SUN2: variants seen among roughly 807,000 people sequenced by gnomAD.
The protein encoded by SUN2 is Sad1 and UNC84 domain containing 2, also known as SUN domain-containing protein 2.
Under a neutral mutation model 100.0 loss-of-function variants are expected in SUN2, and 60 were observed. The ratio of observed to expected loss-of-function variants is 0.60; its 90% confidence interval spans 0.49 to 0.74. The LOEUF is 0.74. Among genes scored for constraint, SUN2 ranks in the 30% least tolerant of loss-of-function variants. SUN2 has a pLI of 0.00. For synonymous variants in SUN2, 367 were observed against 403.3 expected (o/e 0.91, Z 1.08); for missense variants, 834 against 954.6 (o/e 0.87, Z 1.66).
In SUN2 at chr22:38,739,487, C is replaced by A; in HGVS notation, c.1579-61G>T. The A allele has an allele frequency of 6.3e-7, 1 of 1,581,614 alleles. No homozygotes were observed. The highest frequency in any genetic ancestry group is 1.3e-5 in the African/African-American group (1 of 74,312). On this transcript the variant is annotated intron_variant, in intron 13 of 17. Coordinates refer to ENST00000689035, the MANE Select transcript of SUN2 (RefSeq NM_015374.3). The surrounding 1 kb of genome is among the most constrained non-coding windows in gnomAD (Gnocchi z 6.7). ...GAGCAGACGTGTCCCCCTGTCACCTCGTGGCCGTGGGCCAAGGACCCATGG... is the reference window on the plus strand; with the variant it reads ...GAGCAGACGTGTCCCCCTGTCACCTAGTGGCCGTGGGCCAAGGACCCATGG...
At chr22:38,752,795 C>CCCCCG in intron 1 of SUN2, 130 bp from the exon 2 acceptor site, 2 of 1,064,430 alleles carry the variant, frequency 1.9e-6, no homozygotes, top group African/African-American at 1.6e-5. Context: ...CGGCCCCCGG[C>CCCCCG]GTTCAGTCTA....
rs2092865471 is a variant in SUN2, at chr22:38,742,341, A to G, written c.1028T>C (p.Leu343Pro). The change falls in exon 9 of 18, where the codon CTG becomes CCG. Residue 343 changes from leucine (L) to proline (P), a missense_variant. Leu to Pro is a moderately conservative substitution (Grantham distance 98, BLOSUM62 -3). Coordinates refer to ENST00000689035, the MANE Select transcript of SUN2 (RefSeq NM_015374.3). ...EGLVSRREAA[L>P]KEDFRRETAA... ...AGTTTCCCTGCGGAAATCCTCCTTC[A>G]GGGCAGCTTCACGGCGGCTCACTAG... The G allele has an allele frequency of 1.9e-6, 3 of 1,609,218 alleles. No homozygotes were observed. The highest frequency in any genetic ancestry group is 2.6e-6 in the Non-Finnish European group (3 of 1,176,402).
chr22:38,750,206 G>T lies in SUN2; in HGVS notation c.520+19C>A, dbSNP rs774337783. On this transcript the variant is annotated intron_variant, in intron 5 of 17. Transcript: ENST00000689035. ...CTATCACCAAGAATGGAAGTAACTG[G>T]GCACGGGTTGCAGCCCACCTGGCGA... 1 of 1,606,876 alleles carries T rather than the reference G, an allele frequency of 6.2e-7. No individual in the cohort carries two copies. Among genetic ancestry groups the T allele is most frequent in the South Asian group, 1.1e-5 (1 of 90,886 alleles).
rs149382856 is a variant in SUN2, at chr22:38,740,525, G to A, written c.1191-93C>T. On this transcript the variant is annotated intron_variant, in intron 11 of 17. Transcript: ENST00000689035. The surrounding 1 kb of genome is among the most constrained non-coding windows in gnomAD (Gnocchi z 4.8). ...AAAGAGGACCCCCTAGTGGGCTCCC[G>A]TCAGGAGAGCGGGTGCCCAGCACTC... 73 of 1,343,120 alleles carry A rather than the reference G, an allele frequency of 5.4e-5. No homozygotes were observed. In the Admixed American group the frequency reaches 1.6e-3, roughly 30 times the overall value. 83.2% of individuals were successfully genotyped at this position (1,343,120 alleles called of 1,614,324 possible).
At position 38,750,068 on chromosome 22, in the gene SUN2, T is replaced by C. The variant is rs906748739; in HGVS notation, c.520+157A>G. On this transcript the variant is annotated intron_variant, in intron 5 of 17. Transcript: ENST00000689035. ...ACTCCTTCCCTTCCACGCAAGGGGGTCCCCACAGCTCTGGGCTCCCAGTGA... is the reference window on the plus strand; with the variant it reads ...ACTCCTTCCCTTCCACGCAAGGGGGCCCCCACAGCTCTGGGCTCCCAGTGA... Among the ~76,000 whole-genome samples the C allele has an allele frequency of 1.3e-5, 2 of 149,658 alleles. 1 individual carries two copies. The highest frequency in any genetic ancestry group is 4.2e-4 in the South Asian group (2 of 4,758).
chr22:38,749,308 A>C (rs185946364), intron 6 of SUN2, among the ~76,000 whole-genome samples: 8 of 152,262 alleles, frequency 5.3e-5, no homozygotes, highest in Non-Finnish European at 8.8e-5. Flanking sequence ...AACCCATAGC[A>C]TCCTCAGGCA....
rs183441911 is a variant in SUN2 at position 38,745,761 on chromosome 22, C to T, written c.736G>A (p.Val246Ile). 30 of 1,614,126 alleles carry T rather than the reference C, an allele frequency of 1.9e-5. No homozygotes were observed. The East Asian group carries it at 6.2e-4, about 34-fold the overall frequency. ...CTGTCCTTCGCTGCCCACCAGGAAACCAAAGCAGGGTGGAATGTCTGCAGC... is the reference window on the plus strand; with the variant it reads ...CTGTCCTTCGCTGCCCACCAGGAAATCAAAGCAGGGTGGAATGTCTGCAGC... ...YGLQTFHPAL[V>I]SWWAAKDSRR... is the part of the protein sequence containing the mutation. Residue 246 changes from valine (V) to isoleucine (I), a missense_variant, in exon 8 of 18, where the codon GTT becomes ATT. Physicochemically the swap from Val to Ile is conservative, Grantham distance 29. Around this residue, in one of 3 missense-constraint regions of SUN2, gnomAD observed 559 missense variants for 597.7 expected, o/e 0.94. Coordinates refer to ENST00000689035, the MANE Select transcript of SUN2 (RefSeq NM_015374.3).
intron 2 of SUN2, 48 bp from the exon 3 acceptor site, chr22:38,751,421 C>G: frequency 6.2e-7 from 1 of 1,600,056 alleles, no homozygotes; most frequent in Non-Finnish European, 8.5e-7. Context: ...GAGGTGAGCC[C>G]AGCCAGGAGC....
rs2039710412 is a variant in SUN2, at chr22:38,752,645, G to T, written c.-17C>A. 1 of 1,612,824 alleles carries T rather than the reference G, an allele frequency of 6.2e-7. No homozygotes were observed. The highest frequency in any genetic ancestry group is 1.7e-5 in the Admixed American group (1 of 59,912). On this transcript the variant is annotated 5_prime_UTR_variant, in exon 2 of 18. Transcript: ENST00000689035. ...TCGGGACATGATGAGGTGGGATGTG[G>T]ACTCTTCCCCTGAAGAGAATCTAAG...
At position 38,738,939 on chromosome 22, in the gene SUN2, C is replaced by T. The variant is rs766829876; in HGVS notation, c.1713G>A (p.Thr571=). The change falls in exon 15 of 18, where the codon ACG becomes ACA. Residue 571 remains threonine, a synonymous_variant. Coordinates refer to ENST00000689035, the MANE Select transcript of SUN2 (RefSeq NM_015374.3). This position sits in a 1 kb window ranked among gnomAD's most constrained non-coding sequence, Gnocchi z 6.6. ...TRCSETYETK[T]ALLSLFGIPL... ...GGATGCCGAAGAGGCTGAGGAGGGC[C>T]GTCTTGGTCTCGTAGGTCTCAGAAC... 2.0e-5 allele frequency: 32 copies of T among 1,613,492 alleles called. No homozygotes were observed. Among genetic ancestry groups the T allele is most frequent in the Non-Finnish European group, 2.6e-5 (31 of 1,179,738 alleles).
At chr22:38,751,491 T>C (rs2092945698) in intron 2 of SUN2, 118 bp from the exon 3 acceptor site, 4 of 1,097,012 alleles carry the variant, frequency 3.6e-6, no homozygotes, top group Non-Finnish European at 5.2e-6. Flanking sequence ...CCCTTGTTGC[T>C]AGGCAACTCG....
Position 38,737,812 on chromosome 22 carries a change from G to A in SUN2, c.2040+361C>T, listed in dbSNP as rs1489256076. 8.6e-6 allele frequency: 4 copies of A among 466,586 alleles called. No individual in the cohort carries two copies. In the East Asian group the frequency reaches 2.4e-4, roughly 28 times the overall value. The allele number at this position is 466,586 out of a possible 1,614,324, so 28.9% of individuals were successfully genotyped here. ...GAAGTTTAAGCCGCATGCACTGCCT[G>A]AGGCTCCAGCTGGCCATGGTAGAAT... On this transcript the variant is annotated intron_variant, in intron 17 of 17. Transcript: ENST00000689035. This position sits in a 1 kb window ranked among gnomAD's most constrained non-coding sequence, Gnocchi z 4.1.
At chr22:38,750,377 CTG>C in intron 4 of SUN2, 57 bp from the exon 5 acceptor site, 1 of 1,603,322 alleles carries the variant, frequency 6.2e-7, no homozygotes, top group Non-Finnish European at 8.5e-7. Context: ...TCTTCCTTCA[CTG>C]TCTTCTGTGA....
chr22:38,742,834 G>A (rs954082184), intron 8 of SUN2: 3 of 404,090 alleles, frequency 7.4e-6, no homozygotes, highest in South Asian at 6.5e-5. Flanking sequence ...AAGGTGGGCC[G>A]GGGAGAAGGT....
chr22:38,747,324 T>TC (rs1199027189), intron 7 of SUN2, among the ~76,000 whole-genome samples: 3 of 114,848 alleles, frequency 2.6e-5, no homozygotes, highest in African/African-American at 1.1e-4. Flanking sequence ...AGAGCAAAAC[T>TC]CCGTCTCAAA....
chr22:38,740,875 A>G lies in SUN2; in HGVS notation c.1190+132T>C. On this transcript the variant is annotated intron_variant, in intron 11 of 17. Coordinates refer to ENST00000689035, the MANE Select transcript of SUN2 (RefSeq NM_015374.3). This position sits in a 1 kb window ranked among gnomAD's most constrained non-coding sequence, Gnocchi z 4.8. ...GGCAGGGGTCCTGAGCTGGGTTTCAACCCCTCCCCCTACCATCTGCTTGGC... is the reference window on the plus strand; with the variant it reads ...GGCAGGGGTCCTGAGCTGGGTTTCAGCCCCTCCCCCTACCATCTGCTTGGC... The G allele has an allele frequency of 9.5e-7, 1 of 1,055,770 alleles. No individual in the cohort carries two copies. Among genetic ancestry groups the G allele is most frequent in the Non-Finnish European group, 1.4e-6 (1 of 714,342 alleles). 65.4% of individuals were successfully genotyped at this position (1,055,770 alleles called of 1,614,324 possible). A position where few individuals can be genotyped will look rare whatever the true frequency, so the allele number is the denominator to read the frequency against.
In SUN2 at chr22:38,740,974, A is replaced by G; in HGVS notation, c.1190+33T>C. ...TGGAGAGTGGGTGGGGCTGGGGAGG[A>G]GCAGGCCGAGGCCAGCTGGTGGCGC... On this transcript the variant is annotated intron_variant, in intron 11 of 17. Coordinates refer to ENST00000689035, the MANE Select transcript of SUN2 (RefSeq NM_015374.3). This position sits in a 1 kb window ranked among gnomAD's most constrained non-coding sequence, Gnocchi z 4.8. 6.4e-7 allele frequency: 1 copy of G among 1,574,414 alleles called. No individual in the cohort carries two copies. Among genetic ancestry groups the G allele is most frequent in the Non-Finnish European group, 8.6e-7 (1 of 1,160,514 alleles).
At chr22:38,753,955 G>C (rs1414274621) in intron 1 of SUN2, among the ~76,000 whole-genome samples, 3 of 152,110 alleles carry the variant, frequency 2.0e-5, no homozygotes, top group African/African-American at 7.2e-5. Context: ...CCTCACACAT[G>C]CGCAAAACAA....
chr22:38,740,799 G>C lies in SUN2; in HGVS notation c.1190+208C>G. ...GGTCCTCTCACACAGCCTGCCCCCC[G>C]CCCTCAGGACCCCCCTGCTAACCTC... On this transcript the variant is annotated intron_variant, in intron 11 of 17. Coordinates refer to ENST00000689035, the MANE Select transcript of SUN2 (RefSeq NM_015374.3). This position sits in a 1 kb window ranked among gnomAD's most constrained non-coding sequence, Gnocchi z 4.8. 1 of 609,908 alleles carries C rather than the reference G, an allele frequency of 1.6e-6. No individual in the cohort carries two copies. 37.8% of individuals were successfully genotyped at this position (609,908 alleles called of 1,614,324 possible).
Sources: allele counts gnomAD v4.1 joint callset (sites outside exome capture counted in the v4.1 genomes callset), GRCh38; gene constraint gnomAD v4.1.1; regional missense constraint gnomAD v4.1.1; non-coding constraint Gnocchi (gnomAD v3.1); transcripts MANE v1.5; gene names NCBI Gene and HGNC (gene_info 2026-07-23, HGNC 2026-07-21).